Variants in PNPLA7 observed in about 807,000 individuals in gnomAD.
The protein encoded by PNPLA7 is patatin like domain 7, lysophospholipase, also known as patatin-like phospholipase domain-containing protein 7.
In PNPLA7, 153 loss-of-function variants were observed where a neutral mutation model predicts 161.7. The observed-to-expected ratio is 0.95, with a 90% CI of 0.83 to 1.08. The LOEUF (loss-of-function observed/expected upper bound fraction) is 1.08. PNPLA7 is among the 50% of genes least tolerant of loss of function. The pLI, the probability that PNPLA7 is intolerant of heterozygous loss-of-function variation, is 0.00. For synonymous variants in PNPLA7, 809 were observed against 782.1 expected, an observed-to-expected ratio of 1.03 and a Z score of -0.57; for missense variants, 1,739 against 1,856.6, an observed-to-expected ratio of 0.94 and a Z score of 1.16.
intron 19 of PNPLA7, among the ~76,000 whole-genome samples, chr9:137,494,299 C>T (rs1336440169): frequency 6.6e-6 from 1 of 152,136 alleles, no homozygotes; most frequent in Non-Finnish European, 1.5e-5. Context: ...ACTTCCCTTT[C>T]CTCTGCCACA....
chr9:137,517,141 C>T (rs1347625532), intron 11 of PNPLA7, among the ~76,000 whole-genome samples: 1 of 141,282 alleles, frequency 7.1e-6, no homozygotes, highest in Admixed American at 7.1e-5. Context: ...TCCATCCCCA[C>T]TCACTCACTC....
intron 4 of PNPLA7, among the ~76,000 whole-genome samples, chr9:137,545,517 C>T (rs1836451302): frequency 6.6e-6 from 1 of 152,106 alleles, no homozygotes; most frequent in South Asian, 2.1e-4. Flanking sequence ...GCCGACAGGG[C>T]CTTTGTGAGC....
rs1834929002 is a variant in PNPLA7 at position 137,520,490 on chromosome 9, TG to T, written c.958-448del. On this transcript the variant is annotated intron_variant, in intron 10 of 34. Coordinates refer to ENST00000406427, the MANE Select transcript of PNPLA7 (RefSeq NM_001098537.3). This position sits in a 1 kb window ranked among gnomAD's most constrained non-coding sequence, Gnocchi z 5.2. ...AAGATATTCCCTTAATGTCAACAACTGAAGACGACAAGCCCTAAAATGTCAT... is the reference window on the plus strand; with the variant it reads ...AAGATATTCCCTTAATGTCAACAACTAAGACGACAAGCCCTAAAATGTCAT... Among the ~76,000 whole-genome samples the T allele has an allele frequency of 6.6e-6, 1 of 152,228 alleles. No individual in the cohort carries two copies. The highest frequency in any genetic ancestry group is 6.5e-5 in the Admixed American group (1 of 15,280).
chr9:137,497,457 T>C, intron 17 of PNPLA7, 147 bp from the exon 18 acceptor site: 1 of 736,944 alleles, frequency 1.4e-6, no homozygotes, highest in Non-Finnish European at 1.9e-6. Context: ...ACATATTTTT[T>C]ATTTTAAAAT....
At chr9:137,495,447 T>A (rs186930672) in intron 18 of PNPLA7, among the ~76,000 whole-genome samples, 1 of 146,426 alleles carries the variant, frequency 6.8e-6, no homozygotes, top group African/African-American at 2.6e-5. Flanking sequence ...GAACACCTCT[T>A]TTTTTTTTTT....
At chr9:137,461,501 A>C in intron 33 of PNPLA7, 35 bp downstream of exon 33, 1 of 1,584,748 alleles carries the variant, frequency 6.3e-7, no homozygotes, top group Non-Finnish European at 8.6e-7. Context: ...GAGGTCACGC[A>C]CGTCTCCACG....
rs187114803 is a variant in PNPLA7 at position 137,540,211 on chromosome 9, G to C, written c.747+431C>G. Among the ~76,000 whole-genome samples the C allele has an allele frequency of 1.3e-5, 2 of 152,172 alleles. No individual in the cohort carries two copies. The highest frequency in any genetic ancestry group is 4.8e-5 in the African/African-American group (2 of 41,456). On this transcript the variant is annotated intron_variant, in intron 8 of 34. Transcript: ENST00000406427. This position sits in a 1 kb window ranked among gnomAD's most constrained non-coding sequence, Gnocchi z 5.1. The stretch of plus-strand genomic sequence containing the variant: ...ACAGGAAACCATTCACTGCAACGAC[G>C]AAAAGCAAAAGACTGGGAGCCACAG...
At position 137,540,009 on chromosome 9, in the gene PNPLA7, C is replaced by A. The variant is rs1836105599; in HGVS notation, c.747+633G>T. Among the ~76,000 whole-genome samples the A allele has an allele frequency of 1.3e-5, 2 of 152,172 alleles. No homozygotes were observed. Among genetic ancestry groups the A allele is most frequent in the African/African-American group, 4.8e-5 (2 of 41,450 alleles). On this transcript the variant is annotated intron_variant, in intron 8 of 34. Transcript: ENST00000406427. The surrounding 1 kb of genome is among the most constrained non-coding windows in gnomAD (Gnocchi z 5.1). ...CCACGTTGGCCAGGCTGGTCTCGATCTCTTGACCTTGTGATCCACCCACCT... is the reference window on the plus strand; with the variant it reads ...CCACGTTGGCCAGGCTGGTCTCGATATCTTGACCTTGTGATCCACCCACCT...
rs758883347 is a variant in PNPLA7 at position 137,467,440 on chromosome 9, C to T, written c.2916G>A (p.Leu972=). 6.2e-7 allele frequency: 1 copy of T among 1,613,274 alleles called. No homozygotes were observed. Among genetic ancestry groups the T allele is most frequent in the East Asian group, 2.2e-5 (1 of 44,888 alleles). Residue 972 remains leucine, a synonymous_variant, in exon 26 of 35, where the codon TTG becomes TTA. Coordinates refer to ENST00000406427, the MANE Select transcript of PNPLA7 (RefSeq NM_001098537.3). This position sits in a 1 kb window ranked among gnomAD's most constrained non-coding sequence, Gnocchi z 5.1. The stretch of plus-strand genomic sequence containing the variant: ...TGTCCACAGGGATGCCGCACTCCGC[C>T]AAGGCCTTGAGAACGCCCACCTGGG... The part of the protein sequence containing the change: ...GCAQVGVLKA[L]AECGIPVDMV...
chr9:137,539,872 A>G (rs1390218679), intron 8 of PNPLA7, among the ~76,000 whole-genome samples: 4 of 151,780 alleles, frequency 2.6e-5, no homozygotes, highest in Admixed American at 6.6e-5. Context: ...TGCAACCTCT[A>G]CCTCCCGGGT....
intron 25 of PNPLA7, among the ~76,000 whole-genome samples, chr9:137,470,195 T>C (rs987995484): frequency 4.6e-5 from 7 of 152,092 alleles, no homozygotes; most frequent in African/African-American, 1.4e-4. Flanking sequence ...TTTTCATTTT[T>C]TATAAAGATG....
At chr9:137,495,176 C>T (rs201741906) in intron 18 of PNPLA7, 30 bp from the exon 19 acceptor site, 179 of 1,550,050 alleles carry the variant, frequency 1.2e-4, no homozygotes, top group Admixed American at 4.5e-4. Flanking sequence ...GCTGGGGCCG[C>T]GGGCTTGGGA....
rs1833419647 is a variant in PNPLA7 at position 137,501,588 on chromosome 9, C to G, written c.1551+62G>C. ...CCAGTCCAGGCCCTCCTCTGGTGCT[C>G]CACTTGGCACTGGGCTATGGCATTG... On this transcript the variant is annotated intron_variant, in intron 15 of 34. Transcript: ENST00000406427. 8 of 1,510,666 alleles carry G rather than the reference C, an allele frequency of 5.3e-6. No individual in the cohort carries two copies. The East Asian group carries it at 1.4e-4, about 26-fold the overall frequency. The allele number at this position is 1,510,666 out of a possible 1,614,324, so 93.6% of individuals were successfully genotyped here. A position where few individuals can be genotyped will look rare whatever the true frequency, so the allele number is the denominator to read the frequency against.
At chr9:137,510,518 C>T (rs188725146) in intron 12 of PNPLA7, among the ~76,000 whole-genome samples, 7 of 152,346 alleles carry the variant, frequency 4.6e-5, no homozygotes, top group Admixed American at 2.0e-4. Context: ...CCAGTGGACA[C>T]GTGACTCACG....
intron 14 of PNPLA7, among the ~76,000 whole-genome samples, chr9:137,504,086 G>GAAGAAGT (rs1833767825): frequency 8.3e-6 from 1 of 120,646 alleles, no homozygotes; most frequent in African/African-American, 3.5e-5. Context: ...GAAGAAGAAG[G>GAAGAAGT]AAGAAGAAGG....
At chr9:137,515,254 C>T (rs1282364806) in intron 12 of PNPLA7, 125 bp downstream of exon 12, 18 of 1,277,288 alleles carry the variant, frequency 1.4e-5, no homozygotes, top group South Asian at 4.6e-5. Flanking sequence ...CCCCTGGGCA[C>T]GTGGGGCTCT....
At chr9:137,460,583 G>A in intron 34 of PNPLA7, 51 bp downstream of exon 34, 2 of 1,595,646 alleles carry the variant, frequency 1.3e-6, no homozygotes, top group South Asian at 1.1e-5. Context: ...ACAGGGCCAG[G>A]CACCAAGGCT....
chr9:137,483,958 G>C (rs770137495), intron 21 of PNPLA7, among the ~76,000 whole-genome samples: 5 of 151,888 alleles, frequency 3.3e-5, no homozygotes, highest in Non-Finnish European at 7.4e-5. Context: ...ATTTGAGACA[G>C]AATCTTGCTC....
In PNPLA7 at chr9:137,540,919, G is replaced by A. The variant is rs1228824428; in HGVS notation, c.667-197C>T. On this transcript the variant is annotated intron_variant, in intron 7 of 34. Transcript: ENST00000406427. This position sits in a 1 kb window ranked among gnomAD's most constrained non-coding sequence, Gnocchi z 5.1. ...ATCAGGGGTACAACACACAGGAAGC[G>A]GCAGCAAGGAAAACAGACGGAGGAG... The A allele has an allele frequency of 1.8e-6, 1 of 556,748 alleles. No homozygotes were observed. 34.5% of individuals were successfully genotyped at this position (556,748 alleles called of 1,614,324 possible). A position where few individuals can be genotyped will look rare whatever the true frequency, so the allele number is the denominator to read the frequency against.
Sources: allele counts gnomAD v4.1 joint callset (sites outside exome capture counted in the v4.1 genomes callset), GRCh38; gene constraint gnomAD v4.1.1; non-coding constraint Gnocchi (gnomAD v3.1); transcripts MANE v1.5; gene names NCBI Gene and HGNC (gene_info 2026-07-23, HGNC 2026-07-21).